Variants in CAST observed in about 807,000 individuals in gnomAD.
The protein encoded by CAST is MIR583 host.
In CAST, 76 loss-of-function variants were observed where a neutral mutation model predicts 119.6. The observed-to-expected ratio is 0.64, with a 90% confidence interval of 0.53 to 0.77. The LOEUF (loss-of-function observed/expected upper bound fraction) is 0.77. Ranked by LOEUF, CAST falls within the 30% of genes least tolerant of loss-of-function variation. The pLI, the probability that CAST is intolerant of heterozygous loss-of-function variation, is 0.00. For synonymous variants in CAST, 319 were observed against 331.6 expected (o/e 0.96, Z 0.41); for missense variants, 953 against 946.5 (o/e 1.01, Z -0.09).
Position 96,774,504 on chromosome 5 carries a change from T to A in CAST, c.*1888T>A. On this transcript the variant is annotated 3_prime_UTR_variant, in exon 32 of 32. Coordinates refer to ENST00000675179, the MANE Select transcript of CAST (RefSeq NM_001750.7). ...TCCACTTAGAGGCAAAGAACAATTTTTTATTATCAAAAAGGTTTCTGCACA... is the reference window on the plus strand; with the variant it reads ...TCCACTTAGAGGCAAAGAACAATTTATTATTATCAAAAAGGTTTCTGCACA... 1 of 986,570 alleles carries A rather than the reference T, an allele frequency of 1.0e-6. No homozygotes were observed. The highest frequency in any genetic ancestry group is 1.2e-6 in the Non-Finnish European group (1 of 829,752). The allele number at this position is 986,570 out of a possible 1,614,324, so 61.1% of individuals were successfully genotyped here.
At chr5:96,348,508 A>G in the CAST span, among the ~76,000 whole-genome samples, 1 of 152,118 alleles carries the variant, frequency 6.6e-6, no homozygotes. Context: ...GTAAGGGACA[A>G]TCTCCATATT....
chr5:96,283,136 A>AAAAAAAAAG, the CAST span, among the ~76,000 whole-genome samples: 13 of 141,040 alleles, frequency 9.2e-5, no homozygotes, highest in Non-Finnish European at 1.8e-4. Context: ...TCTCAAAAAA[A>AAAAAAAAAG]AAAAAAAAAG....
the CAST span, among the ~76,000 whole-genome samples, chr5:96,447,377 A>G: frequency 6.6e-6 from 1 of 152,332 alleles, no homozygotes; most frequent in Admixed American, 6.5e-5. Context: ...AGAGACTAGG[A>G]AGTTAAATAG....
the CAST span, among the ~76,000 whole-genome samples, chr5:96,000,887 G>A: frequency 1.3e-5 from 2 of 152,160 alleles, no homozygotes; most frequent in African/African-American, 4.8e-5. Flanking sequence ...TTCTTAGAGT[G>A]GGGACTGTTG....
At chr5:96,138,984 C>A in the CAST span, among the ~76,000 whole-genome samples, 1 of 152,004 alleles carries the variant, frequency 6.6e-6, no homozygotes, top group Non-Finnish European at 1.5e-5. Flanking sequence ...TGAGAGGAGG[C>A]ATCCTCACCT....
intron 13 of CAST, 110 bp from the exon 14 acceptor site, chr5:96,741,156 T>G: frequency 1.5e-6 from 1 of 669,754 alleles, no homozygotes; most frequent in East Asian, 2.6e-5. Flanking sequence ...CACACCTCAT[T>G]TGGTAGCAAG....
intron 1 of CAST, chr5:96,662,879 G>T (rs1412490248): frequency 1.2e-5 from 7 of 566,478 alleles, no homozygotes; most frequent in African/African-American, 2.0e-5. Flanking sequence ...AGGCCGGGCC[G>T]CAGGGCGTGG....
At chr5:96,497,548 C>T in the CAST span, among the ~76,000 whole-genome samples, 103 of 152,078 alleles carry the variant, frequency 6.8e-4, 2 homozygotes, top group East Asian at 0.018. Flanking sequence ...TTAATGATTG[C>T]CATTCTAACT....
the CAST span, among the ~76,000 whole-genome samples, chr5:95,982,173 G>A: frequency 1.3e-5 from 2 of 150,816 alleles, no homozygotes; most frequent in African/African-American, 2.4e-5. Context: ...ATATGTAATC[G>A]AACTGTAATG....
chr5:96,702,131 A>T (rs1043931281), intron 3 of CAST, among the ~76,000 whole-genome samples: 13 of 152,214 alleles, frequency 8.5e-5, no homozygotes, highest in Non-Finnish European at 1.6e-4. Flanking sequence ...TCACACCCCA[A>T]GTTCAGGGTT....
At chr5:96,506,084 T>C in the CAST span, among the ~76,000 whole-genome samples, 1 of 152,222 alleles carries the variant, frequency 6.6e-6, no homozygotes, top group African/African-American at 2.4e-5. Context: ...TTTCCATTTT[T>C]CCCCGTCAGG....
At chr5:96,684,556 C>T (rs1751823007) in intron 2 of CAST, among the ~76,000 whole-genome samples, 1 of 151,400 alleles carries the variant, frequency 6.6e-6, no homozygotes, top group Non-Finnish European at 1.5e-5. Context: ...AAGACCTCTG[C>T]ATCACTATCT....
At chr5:96,308,431 C>T in the CAST span, among the ~76,000 whole-genome samples, 1 of 151,866 alleles carries the variant, frequency 6.6e-6, no homozygotes. Flanking sequence ...ATTGTTATTA[C>T]CCACCTTCTG....
At chr5:96,551,351 G>T (rs554010863) in intron 1 of CAST, among the ~76,000 whole-genome samples, 2 of 152,056 alleles carry the variant, frequency 1.3e-5, no homozygotes, top group African/African-American at 2.4e-5. Flanking sequence ...AAAATCCTTC[G>T]CAGACAAGCA....
chr5:96,184,639 G>A, the CAST span, among the ~76,000 whole-genome samples: 2 of 151,670 alleles, frequency 1.3e-5, no homozygotes, highest in African/African-American at 4.8e-5. Context: ...GTTTGCTGAG[G>A]GTAATGGCTT....
chr5:96,407,707 G>A, the CAST span, among the ~76,000 whole-genome samples: 1 of 152,202 alleles, frequency 6.6e-6, no homozygotes, highest in Non-Finnish European at 1.5e-5. Flanking sequence ...GGAACACTGT[G>A]AAAATATAAA....
intron 2 of CAST, 127 bp downstream of exon 2, chr5:96,675,728 C>T: frequency 1.5e-6 from 1 of 661,732 alleles, no homozygotes; most frequent in Non-Finnish European, 2.6e-6. Context: ...TTTGATTTAA[C>T]CAAGATTTGG....
chr5:96,111,407 AG>A, the CAST span, among the ~76,000 whole-genome samples: 5 of 152,170 alleles, frequency 3.3e-5, no homozygotes, highest in Non-Finnish European at 7.4e-5. Flanking sequence ...TCTATTATGT[AG>A]GCATGATTGA....
the CAST span, among the ~76,000 whole-genome samples, chr5:96,217,502 C>A: frequency 6.6e-6 from 1 of 152,088 alleles, no homozygotes; most frequent in Admixed American, 6.6e-5. Flanking sequence ...GGTAAGGTAC[C>A]AGCCATTTTT....
Sources: gnomAD v4.1 joint callset for allele counts (sites outside exome capture counted in the v4.1 genomes callset) on GRCh38, gnomAD v4.1.1 for gene constraint, MANE v1.5 for transcripts, NCBI Gene and HGNC (gene_info 2026-07-23, HGNC 2026-07-21) for gene names.